Variants in GALNTL6 observed in about 807,000 individuals in gnomAD.
GALNTL6 encodes the protein polypeptide N-acetylgalactosaminyltransferase-like 6.
GALNTL6 carries 46 observed loss-of-function variants against 73.7 expected under a neutral mutation model. The observed-to-expected ratio is 0.62, with a 90% CI of 0.49 to 0.80. The LOEUF (loss-of-function observed/expected upper bound fraction) is 0.80. Ranked by LOEUF, GALNTL6 falls within the 30% of genes least tolerant of loss-of-function variation. The pLI is 0.00. For synonymous variants in GALNTL6, 259 were observed against 263.7 expected (o/e 0.98, Z 0.17); for missense variants, 604 against 755.0 (o/e 0.80, Z 2.34).
intron 5 of GALNTL6, among the ~76,000 whole-genome samples, chr4:172,370,926 A>T (rs1373531126): frequency 6.6e-6 from 1 of 152,202 alleles, no homozygotes; most frequent in Non-Finnish European, 1.5e-5. Flanking sequence ...TAGTAGGATA[A>T]TGCATGTTAC....
intron 2 of GALNTL6, among the ~76,000 whole-genome samples, chr4:171,846,349 A>AGGGAACTAT (rs1560811077): frequency 6.6e-6 from 1 of 152,184 alleles, no homozygotes; most frequent in Non-Finnish European, 1.5e-5. Context: ...AGGCAGAACA[A>AGGGAACTAT]GGGAACTATT....
intron 7 of GALNTL6, among the ~76,000 whole-genome samples, chr4:172,867,694 T>G (rs901671274): frequency 6.6e-6 from 1 of 152,200 alleles, no homozygotes; most frequent in Non-Finnish European, 1.5e-5. Flanking sequence ...AATATCAGGC[T>G]TCATCACATG....
rs745725849 is a variant in GALNTL6, at chr4:172,952,252, G to T, written c.1365G>T (p.Trp455Cys). Residue 455 changes from tryptophan to cysteine, a missense_variant, in exon 10 of 13, where the codon TGG becomes TGT. Physicochemically the swap from Trp to Cys is radical, Grantham distance 215. Coordinates refer to ENST00000506823, the MANE Select transcript of GALNTL6 (RefSeq NM_001034845.3). ...YPPVEPPPAA[W>C]GEIRNVAANL... ...CAGTGGAGCCCCCGCCTGCTGCCTG[G>T]GGGGAGGTGAGGAAAGGTTGCCTGA... The T allele has an allele frequency of 6.2e-6, 10 of 1,613,554 alleles. No individual in the cohort carries two copies. The highest frequency in any genetic ancestry group is 3.3e-5 in the Admixed American group (2 of 60,008).
At chr4:171,903,053 G>A (rs1220235600) in intron 2 of GALNTL6, among the ~76,000 whole-genome samples, 1 of 152,110 alleles carries the variant, frequency 6.6e-6, no homozygotes, top group Non-Finnish European at 1.5e-5. Context: ...ACATCAAATG[G>A]AAGCTCATAT....
At chr4:172,169,289 A>C (rs1046385919) in intron 2 of GALNTL6, among the ~76,000 whole-genome samples, 12 of 152,206 alleles carry the variant, frequency 7.9e-5, no homozygotes, top group Non-Finnish European at 1.3e-4. Context: ...GAGATATTCA[A>C]CCAGAGGCTT....
intron 5 of GALNTL6, among the ~76,000 whole-genome samples, chr4:172,463,572 G>A (rs908572228): frequency 2.6e-5 from 4 of 152,134 alleles, no homozygotes; most frequent in Non-Finnish European, 4.4e-5. Context: ...AGATTACAGG[G>A]ATGCGACAGA....
At position 173,016,729 on chromosome 4, in the gene GALNTL6, G is replaced by C. The variant is rs139174725; in HGVS notation, c.1489-4747G>C. Among the ~76,000 whole-genome samples the C allele has an allele frequency of 2.7e-3, 407 of 152,228 alleles. 1 individual carries two copies. The highest frequency in any genetic ancestry group is 9.5e-3 in the African/African-American group (395 of 41,518). On this transcript the variant is annotated intron_variant, in intron 11 of 12. Coordinates refer to ENST00000506823, the MANE Select transcript of GALNTL6 (RefSeq NM_001034845.3). ...GATGAGACTTTGGACTTAGACTTTTGAGTTAATGTTGGAATGAGTTAAGAC... is the reference window on the plus strand; with the variant it reads ...GATGAGACTTTGGACTTAGACTTTTCAGTTAATGTTGGAATGAGTTAAGAC...
At position 171,900,366 on chromosome 4, in the gene GALNTL6, G is replaced by A. The variant is rs186160509; in HGVS notation, c.138+85648G>A. Among the ~76,000 whole-genome samples the A allele has an allele frequency of 4.7e-3, 712 of 152,126 alleles. 3 individuals are homozygous for A. The highest frequency in any genetic ancestry group is 0.016 in the African/African-American group (669 of 41,504). ...TCTGTTGCCCAGGCTGGAGTGCAGT[G>A]GTGTGAGCTCGGCTCACTACAACCT... On this transcript the variant is annotated intron_variant, in intron 2 of 12. Transcript: ENST00000506823.
At chr4:171,866,692 G>A (rs1403972034) in intron 2 of GALNTL6, among the ~76,000 whole-genome samples, 2 of 152,184 alleles carry the variant, frequency 1.3e-5, no homozygotes, top group Non-Finnish European at 1.5e-5. Flanking sequence ...GGGTGCCAGC[G>A]GGGTCGGGTT....
At chr4:172,937,709 G>A (rs1398825823) in intron 9 of GALNTL6, among the ~76,000 whole-genome samples, 1 of 152,166 alleles carries the variant, frequency 6.6e-6, no homozygotes, top group Non-Finnish European at 1.5e-5. Flanking sequence ...GTAACGTACA[G>A]TCCACACCAT....
chr4:172,195,446 C>T (rs1735731702), intron 2 of GALNTL6, among the ~76,000 whole-genome samples: 1 of 152,136 alleles, frequency 6.6e-6, no homozygotes, highest in African/African-American at 2.4e-5. Context: ...TGATAGATAT[C>T]TACAGAACTC....
chr4:172,908,762 C>A (rs1747037692), intron 8 of GALNTL6, among the ~76,000 whole-genome samples: 1 of 150,676 alleles, frequency 6.6e-6, no homozygotes, highest in Admixed American at 6.6e-5. Flanking sequence ...AAGAAATGTG[C>A]AAAACTCTGT....
At chr4:172,774,155 T>A (rs1224965406) in intron 5 of GALNTL6, among the ~76,000 whole-genome samples, 1 of 152,250 alleles carries the variant, frequency 6.6e-6, no homozygotes, top group Non-Finnish European at 1.5e-5. Flanking sequence ...CAAGCAACTT[T>A]AGATACATTC....
chr4:172,472,115 G>A (rs1733075536), intron 5 of GALNTL6, among the ~76,000 whole-genome samples: 1 of 152,120 alleles, frequency 6.6e-6, no homozygotes, highest in Admixed American at 6.5e-5. Context: ...AAAAGGAAGG[G>A]AAACCTCTAA....
chr4:172,447,854 G>A (rs1732080741), intron 5 of GALNTL6, among the ~76,000 whole-genome samples: 1 of 152,172 alleles, frequency 6.6e-6, no homozygotes, highest in East Asian at 1.9e-4. Flanking sequence ...AGAAGGGAAT[G>A]CATTTCATTT....
chr4:172,150,979 T>A (rs1316583688), intron 2 of GALNTL6, among the ~76,000 whole-genome samples: 1 of 152,214 alleles, frequency 6.6e-6, no homozygotes, highest in Non-Finnish European at 1.5e-5. Flanking sequence ...CAATCTACTA[T>A]TTGGCATATG....
At chr4:171,879,294 T>A (rs1736369941) in intron 2 of GALNTL6, among the ~76,000 whole-genome samples, 2 of 152,160 alleles carry the variant, frequency 1.3e-5, no homozygotes, top group Non-Finnish European at 1.5e-5. Context: ...AAGAAAAAGT[T>A]TACCCCAAAT....
chr4:172,733,597 T>C (rs1008624221), intron 5 of GALNTL6, among the ~76,000 whole-genome samples: 6 of 152,144 alleles, frequency 3.9e-5, no homozygotes, highest in Non-Finnish European at 5.9e-5. Context: ...GTTGTTCCCA[T>C]GCTGTTCTCA....
intron 5 of GALNTL6, among the ~76,000 whole-genome samples, chr4:172,548,187 A>G (rs1735841835): frequency 6.6e-6 from 1 of 151,996 alleles, no homozygotes; most frequent in Admixed American, 6.6e-5. Flanking sequence ...GGTCAAAAGA[A>G]TTATGTCTCC....
Sources: allele counts gnomAD v4.1 joint callset (sites outside exome capture counted in the v4.1 genomes callset), GRCh38; gene constraint gnomAD v4.1.1; transcripts MANE v1.5; gene names NCBI Gene and HGNC (gene_info 2026-07-23, HGNC 2026-07-21).